LRRTM4: variants seen among roughly 807,000 people sequenced by gnomAD.
The protein encoded by LRRTM4 is leucine-rich repeat transmembrane neuronal protein 4.
A neutral mutation model predicts 47.6 loss-of-function variants in LRRTM4; 25 were observed. The observed-to-expected ratio is 0.53, with a 90% CI of 0.38 to 0.73. The LOEUF (loss-of-function observed/expected upper bound fraction) is 0.73, where lower values mean the gene tolerates loss of function less well. LRRTM4 is among the 30% of genes least tolerant of loss of function. The probability of loss-of-function intolerance (pLI) is 0.00; values close to 1 mark genes in which losing one functional copy is unlikely to be tolerated. For missense variants in LRRTM4, 638 were observed against 713.4 expected, an observed-to-expected ratio of 0.89 and a Z score of 1.20; for synonymous variants, 311 against 269.5, an observed-to-expected ratio of 1.15 and a Z score of -1.51.
intron 3 of LRRTM4, among the ~76,000 whole-genome samples, chr2:77,343,277 C>T (rs1412915344): frequency 1.3e-5 from 2 of 151,964 alleles, no homozygotes; most frequent in African/African-American, 2.4e-5. Flanking sequence ...AACAGTTCTC[C>T]TAGGTAACTT....
At chr2:77,182,705 T>A (rs549781671) in intron 3 of LRRTM4, among the ~76,000 whole-genome samples, 1 of 152,256 alleles carries the variant, frequency 6.6e-6, no homozygotes, top group African/African-American at 2.4e-5. Context: ...CTTCCAACAC[T>A]ATGTTGAATA....
chr2:77,157,290 T>G (rs1672585540), intron 3 of LRRTM4, among the ~76,000 whole-genome samples: 2 of 152,168 alleles, frequency 1.3e-5, no homozygotes, highest in Non-Finnish European at 1.5e-5. Flanking sequence ...AAGGTAATTA[T>G]GAGGAGGGGA....
intron 3 of LRRTM4, among the ~76,000 whole-genome samples, chr2:77,479,155 C>A (rs12329048): frequency 0.044 from 6,651 of 152,070 alleles, 325 homozygotes; most frequent in Admixed American, 0.16. Context: ...CTCGGCCCCC[C>A]AGAGTGCTGG....
At chr2:77,222,773 G>C (rs1674677305) in intron 3 of LRRTM4, among the ~76,000 whole-genome samples, 1 of 152,110 alleles carries the variant, frequency 6.6e-6, no homozygotes, top group Non-Finnish European at 1.5e-5. Context: ...AATTCTACCA[G>C]AGGTAGAAGG....
intron 3 of LRRTM4, among the ~76,000 whole-genome samples, chr2:77,029,083 T>TATA (rs1491534209): frequency 6.9e-6 from 1 of 145,562 alleles, no homozygotes; most frequent in African/African-American, 2.5e-5. Flanking sequence ...TATATATATA[T>TATA]TATATATATA....
At chr2:76,929,364 C>T (rs1674693861) in intron 3 of LRRTM4, among the ~76,000 whole-genome samples, 1 of 152,124 alleles carries the variant, frequency 6.6e-6, no homozygotes, top group East Asian at 1.9e-4. Context: ...GTGTCCATGG[C>T]TGCTTTCATG....
At position 77,132,922 on chromosome 2, in the gene LRRTM4, A is replaced by G. The variant is rs535009825; in HGVS notation, c.1552-384006T>C. On this transcript the variant is annotated intron_variant, in intron 3 of 3. Transcript: ENST00000409884. ...ACATTGGGAGGGAAGTGGAGGAGGAAGAAGATAGATAAAATGCAGGTTGGT... is the reference window on the plus strand; with the variant it reads ...ACATTGGGAGGGAAGTGGAGGAGGAGGAAGATAGATAAAATGCAGGTTGGT... Among the ~76,000 whole-genome samples, 6 of 152,176 alleles carry G rather than the reference A, an allele frequency of 3.9e-5. No homozygotes were observed. In the South Asian group the frequency reaches 1.2e-3, roughly 32 times the overall value.
chr2:76,767,581 T>C (rs1032367427), intron 3 of LRRTM4, among the ~76,000 whole-genome samples: 3 of 152,188 alleles, frequency 2.0e-5, no homozygotes, highest in Non-Finnish European at 2.9e-5. Context: ...AAGCTACAGT[T>C]GGCTGTAGTT....
intron 3 of LRRTM4, among the ~76,000 whole-genome samples, chr2:77,512,054 C>G (rs1478347900): frequency 1.3e-5 from 2 of 152,138 alleles, no homozygotes; most frequent in Non-Finnish European, 2.9e-5. Flanking sequence ...AACTTTTGGC[C>G]TTCAGCGATC....
At chr2:77,408,212 G>A (rs1031100188) in intron 3 of LRRTM4, among the ~76,000 whole-genome samples, 5 of 152,084 alleles carry the variant, frequency 3.3e-5, no homozygotes, top group South Asian at 2.1e-4. Flanking sequence ...TCCTGTTTAC[G>A]TTTGTTTTTT....
At chr2:77,511,279 A>G (rs1275138915) in intron 3 of LRRTM4, among the ~76,000 whole-genome samples, 1 of 152,070 alleles carries the variant, frequency 6.6e-6, no homozygotes, top group African/African-American at 2.4e-5. Context: ...TTAAAAAGCA[A>G]TTATCAGCCT....
chr2:77,513,471 A>G (rs929597354), intron 3 of LRRTM4, among the ~76,000 whole-genome samples: 5 of 152,172 alleles, frequency 3.3e-5, no homozygotes, highest in Admixed American at 6.6e-5. Flanking sequence ...CAACACAAAA[A>G]ATGGCAATAT....
At chr2:76,802,661 G>A (rs6710637) in intron 3 of LRRTM4, among the ~76,000 whole-genome samples, 94,109 of 151,848 alleles carry the variant, frequency 0.62, 30,957 homozygotes, top group African/African-American at 0.83. Flanking sequence ...AAATATCTTG[G>A]TCCAAAAGAA....
intron 3 of LRRTM4, among the ~76,000 whole-genome samples, chr2:76,859,642 A>G (rs1672255664): frequency 6.6e-6 from 1 of 152,182 alleles, no homozygotes; most frequent in Admixed American, 6.6e-5. Context: ...AAAAGTTTGC[A>G]TGACATGGAC....
intron 3 of LRRTM4, among the ~76,000 whole-genome samples, chr2:77,102,752 G>T (rs987815669): frequency 6.6e-6 from 1 of 152,142 alleles, no homozygotes; most frequent in Admixed American, 6.5e-5. Context: ...CAAAGAAAAT[G>T]CTTTCCCGTG....
Position 77,231,220 on chromosome 2 carries a change from CATGCACACACACACAG to C in LRRTM4, c.1551+287082_1551+287097del, listed in dbSNP as rs1275341585. ...TGAAGTACACATGCACACACACACA[CATGCACACACACACAG>C]ATGCACACACACACAGATGCACACA... On this transcript the variant is annotated intron_variant, in intron 3 of 3. Transcript: ENST00000409884. Among the ~76,000 whole-genome samples the C allele has an allele frequency of 4.3e-4, 65 of 151,870 alleles. No homozygotes were observed. The East Asian group carries it at 7.4e-3, about 17-fold the overall frequency.
intron 3 of LRRTM4, among the ~76,000 whole-genome samples, chr2:76,760,519 C>A (rs1673214652): frequency 6.6e-6 from 1 of 152,042 alleles, no homozygotes; most frequent in South Asian, 2.1e-4. Flanking sequence ...CTTCCATATA[C>A]AGACAGCACG....
chr2:76,763,884 G>A (rs9917137), intron 3 of LRRTM4, among the ~76,000 whole-genome samples: 10,685 of 152,154 alleles, frequency 0.07, 707 homozygotes, highest in African/African-American at 0.17. Flanking sequence ...CCCACTAGAT[G>A]TATTATATAT....
At chr2:76,751,837 A>G (rs941282802) in intron 3 of LRRTM4, among the ~76,000 whole-genome samples, 1 of 152,168 alleles carries the variant, frequency 6.6e-6, no homozygotes, top group African/African-American at 2.4e-5. Context: ...GAATGCTTTC[A>G]AAAGGGATTT....
Sources: gnomAD v4.1 joint callset for allele counts (sites outside exome capture counted in the v4.1 genomes callset) on GRCh38, gnomAD v4.1.1 for gene constraint, MANE v1.5 for transcripts, NCBI Gene and HGNC (gene_info 2026-07-23, HGNC 2026-07-21) for gene names.